Variants in EPB41L1 observed in about 807,000 individuals in gnomAD.
EPB41L1 encodes the protein erythrocyte membrane protein band 4.1 like 1.
A neutral mutation model predicts 97.8 loss-of-function variants in EPB41L1; 29 were observed. The ratio of observed to expected loss-of-function variants is 0.30; its 90% CI spans 0.22 to 0.40. The LOEUF is 0.40. Ranked by LOEUF, EPB41L1 falls within the 10% of genes least tolerant of loss-of-function variation. The pLI is 1.00. For missense variants in EPB41L1, 812 were observed against 1,162.3 expected (o/e 0.70, Z 4.38); for synonymous variants, 383 against 459.2 (o/e 0.83, Z 2.12).
Position 36,190,162 on chromosome 20 carries a change from C to A in EPB41L1, c.1027-115C>A. On this transcript the variant is annotated intron_variant, in intron 9 of 21. Transcript: ENST00000338074. This position sits in a 1 kb window ranked among gnomAD's most constrained non-coding sequence, Gnocchi z 5.8. ...CTGTACTCCACCCTGGGCAAATGAT[C>A]GAGACCCTGTGTCTCAAAAAAACAT... 1.2e-6 allele frequency: 1 copy of A among 851,296 alleles called. No individual in the cohort carries two copies. The highest frequency in any genetic ancestry group is 1.9e-6 in the Non-Finnish European group (1 of 516,330). 52.7% of individuals were successfully genotyped at this position (851,296 alleles called of 1,614,324 possible).
rs758385533 is a variant in EPB41L1 at position 36,222,381 on chromosome 20, A to G, written c.2624A>G (p.Asp875Gly). 1.2e-6 allele frequency: 2 copies of G among 1,613,706 alleles called. No homozygotes were observed. Among genetic ancestry groups the G allele is most frequent in the South Asian group, 1.1e-5 (1 of 91,068 alleles). Residue 875 changes from aspartate to glycine, a missense_variant, in exon 21 of 22, where the codon GAC (aspartate) becomes GGC (glycine). Asp to Gly is a moderately conservative substitution (Grantham distance 94). Coordinates refer to ENST00000338074, the MANE Select transcript of EPB41L1 (RefSeq NM_012156.2). Reference protein sequence around the residue: ...RETDPSPEERDKKPQES With the variant: ...RETDPSPEERGKKPQES Reference sequence around the variant, plus strand: ...ACAGACCCATCCCCAGAGGAGAGGGACAAGAAGCCACAGGTAAGGCTCCTG... The same window carrying G: ...ACAGACCCATCCCCAGAGGAGAGGGGCAAGAAGCCACAGGTAAGGCTCCTG...
At chr20:36,210,360 G>GT (rs2063063862) in intron 15 of EPB41L1, among the ~76,000 whole-genome samples, 2 of 152,066 alleles carry the variant, frequency 1.3e-5, no homozygotes, top group South Asian at 4.2e-4. Flanking sequence ...TCTCAGGGTG[G>GT]TAATGGAAGC....
chr20:36,100,880 C>T (rs1047858079), intron 1 of EPB41L1, among the ~76,000 whole-genome samples: 5 of 152,184 alleles, frequency 3.3e-5, no homozygotes, highest in African/African-American at 1.2e-4. Context: ...GGCCTTTCTA[C>T]AGCATCAGCC....
intron 7 of EPB41L1, among the ~76,000 whole-genome samples, chr20:36,186,663 T>G (rs1371771221): frequency 6.6e-6 from 1 of 152,220 alleles, no homozygotes; most frequent in Non-Finnish European, 1.5e-5. Context: ...GCCTGCCATC[T>G]ATTTGTCATC....
chr20:36,167,951 CAG>C (rs1028305603), intron 1 of EPB41L1, among the ~76,000 whole-genome samples: 3 of 152,082 alleles, frequency 2.0e-5, no homozygotes, highest in Non-Finnish European at 2.9e-5. Flanking sequence ...TTACTGGACT[CAG>C]AGATGCTGAC....
chr20:36,117,933 T>C (rs2058636692), intron 2 of EPB41L1, among the ~76,000 whole-genome samples: 2 of 152,242 alleles, frequency 1.3e-5, no homozygotes. Flanking sequence ...TCCACTGCTC[T>C]TGCCAATCTC....
At chr20:36,147,212 G>A (rs990687796) in intron 2 of EPB41L1, among the ~76,000 whole-genome samples, 1 of 152,126 alleles carries the variant, frequency 6.6e-6, no homozygotes, top group African/African-American at 2.4e-5. Flanking sequence ...TCTGGCTTTA[G>A]ACTCTAATCC....
chr20:36,150,074 T>G (rs573407692), upstream of EPB41L1, among the ~76,000 whole-genome samples: 3 of 152,096 alleles, frequency 2.0e-5, no homozygotes, highest in South Asian at 6.2e-4. Flanking sequence ...TTTTTTGTTT[T>G]TTTTTTTTTT....
At chr20:36,192,404 G>A (rs934632407) in intron 11 of EPB41L1, among the ~76,000 whole-genome samples, 2 of 151,214 alleles carry the variant, frequency 1.3e-5, no homozygotes, top group East Asian at 2.0e-4. Flanking sequence ...GGTGGCAGGC[G>A]CCTGTAGTCC....
intron 5 of EPB41L1, among the ~76,000 whole-genome samples, chr20:36,179,832 C>T (rs900340808): frequency 1.3e-5 from 2 of 152,190 alleles, no homozygotes; most frequent in Non-Finnish European, 2.9e-5. Flanking sequence ...CAGTTGGAGA[C>T]AAAGAGGCAG....
intron 5 of EPB41L1, among the ~76,000 whole-genome samples, chr20:36,180,380 AGGGCACCT>A (rs1427225251): frequency 6.6e-6 from 1 of 152,168 alleles, no homozygotes; most frequent in Non-Finnish European, 1.5e-5. Flanking sequence ...AGGGCAAAGT[AGGGCACCT>A]GGGACAAGCT....
chr20:36,092,088 G>A lies in EPB41L1; in HGVS notation c.-65+476G>A, dbSNP rs1235624623. Among the ~76,000 whole-genome samples the A allele has an allele frequency of 6.6e-6, 1 of 152,188 alleles. No homozygotes were observed. The highest frequency in any genetic ancestry group is 1.5e-5 in the Non-Finnish European group (1 of 68,014). On this transcript the variant is annotated intron_variant, in intron 1 of 19. Coordinates refer to the EPB41L1 transcript ENST00000202028. This position sits in a 1 kb window ranked among gnomAD's most constrained non-coding sequence, Gnocchi z 7.0. ...GTCCAGAGGTTGCCACCTGCGAGGG[G>A]CTGGAACGCACTGGGCTATCCTCCG...
intron 14 of EPB41L1, among the ~76,000 whole-genome samples, chr20:36,202,261 G>A (rs879040064): frequency 3.3e-5 from 5 of 152,214 alleles, no homozygotes; most frequent in Admixed American, 2.0e-4. Flanking sequence ...GCTGTCCTTG[G>A]CGGCAGCCCA....
chr20:36,179,411 C>G (rs949123886), intron 5 of EPB41L1, among the ~76,000 whole-genome samples: 1 of 152,246 alleles, frequency 6.6e-6, no homozygotes, highest in Non-Finnish European at 1.5e-5. Context: ...CCTAAGGTCA[C>G]AGAGCCAAAT....
intron 13 of EPB41L1, chr20:36,197,576 G>A (rs1569285478): frequency 1.0e-6 from 1 of 960,504 alleles, no homozygotes; most frequent in Non-Finnish European, 1.2e-6. Context: ...GAGGTTGGCT[G>A]TTCAGAGGCT....
rs1410462856 is a variant in EPB41L1 at position 36,093,465 on chromosome 20, C to T, written c.-65+1853C>T. 6.6e-6 allele frequency among the ~76,000 whole-genome samples: 1 copy of T among 150,420 alleles called. No homozygotes were observed. Among genetic ancestry groups the T allele is most frequent in the Non-Finnish European group, 1.5e-5 (1 of 67,650 alleles). On this transcript the variant is annotated intron_variant, in intron 1 of 19. Transcript: ENST00000202028. The surrounding 1 kb of genome is among the most constrained non-coding windows in gnomAD (Gnocchi z 5.4). ...CACTGCCGGGAGGAAGCGGTGGGGG[C>T]GGCGGTCCAGGCGCCGCCGCCGCTG...
intron 1 of EPB41L1, among the ~76,000 whole-genome samples, chr20:36,159,529 C>T (rs934887726): frequency 5.3e-5 from 8 of 152,194 alleles, no homozygotes; most frequent in Admixed American, 2.6e-4. Context: ...AAGAGAATGA[C>T]GCTAGACTCC....
At position 36,209,129 on chromosome 20, in the gene EPB41L1, G is replaced by A. The variant is rs953740354; in HGVS notation, c.1669-359G>A. On this transcript the variant is annotated intron_variant, in intron 14 of 21. Coordinates refer to ENST00000338074, the MANE Select transcript of EPB41L1 (RefSeq NM_012156.2). The surrounding 1 kb of genome is among the most constrained non-coding windows in gnomAD (Gnocchi z 4.2). The stretch of plus-strand genomic sequence containing the variant: ...ACCTGCACGGATGGGCCTGGGGTCC[G>A]GGCTTCCATCCCTGCCTTTCGTGCA... Among the ~76,000 whole-genome samples the A allele has an allele frequency of 4.6e-5, 7 of 152,172 alleles. No homozygotes were observed. The highest frequency in any genetic ancestry group is 7.4e-5 in the Non-Finnish European group (5 of 68,014).
At chr20:36,167,271 T>C (rs2060777520) in intron 1 of EPB41L1, among the ~76,000 whole-genome samples, 3 of 152,110 alleles carry the variant, frequency 2.0e-5, no homozygotes, top group Admixed American at 2.0e-4. Context: ...CTCATGGTGA[T>C]GGTGGCGGCT....
Sources: gnomAD v4.1 joint callset for allele counts (sites outside exome capture counted in the v4.1 genomes callset) on GRCh38, gnomAD v4.1.1 for gene constraint, Gnocchi (gnomAD v3.1) non-coding constraint, MANE v1.5 for transcripts, NCBI Gene and HGNC (gene_info 2026-07-23, HGNC 2026-07-21) for gene names.